The following YTHDC2 variants were observed in gnomAD, a reference collection of about 807,000 sequenced individuals.
The protein encoded by YTHDC2 is 3'-5' RNA helicase YTHDC2.
A neutral mutation model predicts 174.9 loss-of-function variants in YTHDC2; 45 were observed. The ratio of observed to expected loss-of-function variants is 0.26; its 90% CI spans 0.20 to 0.33. The LOEUF is 0.33. YTHDC2 is among the 10% of genes least tolerant of loss of function. The pLI is 1.00. For missense variants in YTHDC2, 1,650 were observed against 1,723.7 expected (o/e 0.96, Z 0.76); for synonymous variants, 657 against 574.5 (o/e 1.14, Z -2.05).
At chr5:113,520,018 A>AT (rs1773754943) in intron 2 of YTHDC2, among the ~76,000 whole-genome samples, 5 of 152,160 alleles carry the variant, frequency 3.3e-5, no homozygotes, top group Admixed American at 3.3e-4. Flanking sequence ...CCCTGCATGC[A>AT]TTAGATATTA....
chr5:113,539,869 A>G (rs1436391195), intron 8 of YTHDC2, among the ~76,000 whole-genome samples: 1 of 151,996 alleles, frequency 6.6e-6, no homozygotes, highest in Non-Finnish European at 1.5e-5. Context: ...TAAGTTGTAA[A>G]ACTCCTAGAT....
At chr5:113,533,344 A>T (rs1301022031) in intron 5 of YTHDC2, among the ~76,000 whole-genome samples, 2 of 152,020 alleles carry the variant, frequency 1.3e-5, no homozygotes, top group Non-Finnish European at 2.9e-5. Flanking sequence ...GGAGTTCGAG[A>T]CCAGCCTGAC....
intron 2 of YTHDC2, among the ~76,000 whole-genome samples, chr5:113,520,410 A>G (rs559932698): frequency 1.3e-5 from 2 of 152,210 alleles, no homozygotes; most frequent in Non-Finnish European, 2.9e-5. Context: ...ATGATCATAG[A>G]TGTAATATGC....
chr5:113,546,367 G>C (rs567831609), intron 10 of YTHDC2, among the ~76,000 whole-genome samples: 97 of 152,276 alleles, frequency 6.4e-4, no homozygotes, highest in African/African-American at 2.3e-3. Context: ...ATTTCCCAGA[G>C]TCCAGTATTC....
chr5:113,544,226 G>A (rs1323201158), intron 10 of YTHDC2, among the ~76,000 whole-genome samples: 1 of 152,114 alleles, frequency 6.6e-6, no homozygotes, highest in African/African-American at 2.4e-5. Context: ...TTGACTCACT[G>A]CAACCTCTGC....
chr5:113,580,123 A>G (rs1050540136), intron 24 of YTHDC2, among the ~76,000 whole-genome samples: 10 of 152,060 alleles, frequency 6.6e-5, no homozygotes, highest in African/African-American at 2.2e-4. Context: ...CCCTCCATCA[A>G]GCTCTTTTAT....
chr5:113,547,867 T>G (rs1775995113), intron 10 of YTHDC2, among the ~76,000 whole-genome samples: 1 of 152,194 alleles, frequency 6.6e-6, no homozygotes, highest in African/African-American at 2.4e-5. Context: ...TTAAATGAAA[T>G]CTTTCTGAAA....
chr5:113,543,379 C>T (rs1775617712), intron 10 of YTHDC2, among the ~76,000 whole-genome samples: 1 of 152,222 alleles, frequency 6.6e-6, no homozygotes, highest in African/African-American at 2.4e-5. Flanking sequence ...TCATATTGCA[C>T]ATATAATTCA....
chr5:113,567,150 T>C lies in YTHDC2; in HGVS notation c.2901T>C (p.Asn967=), dbSNP rs968163341. The C allele has an allele frequency of 1.2e-6, 2 of 1,613,798 alleles. No homozygotes were observed. The highest frequency in any genetic ancestry group is 2.7e-5 in the African/African-American group (2 of 74,878). Residue 967 remains asparagine, a synonymous_variant, in exon 22 of 30, where the codon AAT becomes AAC. Coordinates refer to ENST00000161863, the MANE Select transcript of YTHDC2 (RefSeq NM_022828.5). ...GGGACGTTAACACAAACTCTGAGAA[T>C]TGGGCTGTCGTTAAAGCTGCATTGG... The part of the protein sequence containing the change: ...DIRDVNTNSE[N]WAVVKAALVA...
At chr5:113,548,837 A>G (rs1207965730) in intron 11 of YTHDC2, 118 bp from the exon 12 acceptor site, 1 of 1,162,336 alleles carries the variant, frequency 8.6e-7, no homozygotes, top group African/African-American at 1.6e-5. Context: ...ACTATAATTT[A>G]TCTTATTTTT....
chr5:113,523,707 A>T (rs370461658), intron 2 of YTHDC2, among the ~76,000 whole-genome samples: 2 of 152,132 alleles, frequency 1.3e-5, no homozygotes, highest in Non-Finnish European at 2.9e-5. Flanking sequence ...AAAAACCTTG[A>T]TAAATTGGAA....
intron 18 of YTHDC2, among the ~76,000 whole-genome samples, chr5:113,562,707 TA>T (rs1777075611): frequency 1.3e-5 from 2 of 152,220 alleles, no homozygotes; most frequent in Non-Finnish European, 2.9e-5. Flanking sequence ...ATTCCTTATA[TA>T]GTTACTCCTA....
chr5:113,558,505 G>A (rs549385835), intron 17 of YTHDC2, among the ~76,000 whole-genome samples: 5 of 152,160 alleles, frequency 3.3e-5, no homozygotes, highest in Non-Finnish European at 5.9e-5. Context: ...TGTATGTAGG[G>A]GGTGAGGGGT....
At chr5:113,547,526 A>G (rs544369004) in intron 10 of YTHDC2, among the ~76,000 whole-genome samples, 5 of 152,280 alleles carry the variant, frequency 3.3e-5, no homozygotes, top group Non-Finnish European at 7.4e-5. Flanking sequence ...CAAGTTCATC[A>G]GTTGTAAAAA....
At position 113,563,505 on chromosome 5, in the gene YTHDC2, A is replaced by G. The variant is rs772605734; in HGVS notation, c.2442+13A>G. 22 of 1,572,714 alleles carry G rather than the reference A, an allele frequency of 1.4e-5. No homozygotes were observed. The highest frequency in any genetic ancestry group is 1.4e-4 in the African/African-American group (10 of 73,070). Reference sequence around the variant, plus strand: ...ACAAATGCTTAAGGTTGGTGTCTTCATAGTTTTATTTTACATGACATTTTT... The same window carrying G: ...ACAAATGCTTAAGGTTGGTGTCTTCGTAGTTTTATTTTACATGACATTTTT... On this transcript the variant is annotated intron_variant, in intron 19 of 29. Transcript: ENST00000161863.
intron 10 of YTHDC2, among the ~76,000 whole-genome samples, chr5:113,546,680 A>T (rs1268036013): frequency 6.6e-6 from 1 of 152,172 alleles, no homozygotes; most frequent in Non-Finnish European, 1.5e-5. Flanking sequence ...TATTATCTCC[A>T]TAGTTTCTGA....
rs1775540306 is a variant in YTHDC2 at position 113,542,279 on chromosome 5, T to C, written c.1360-89T>C. 3 of 1,332,292 alleles carry C rather than the reference T, an allele frequency of 2.3e-6. No homozygotes were observed. In the African/African-American group the frequency reaches 4.4e-5, roughly 20 times the overall value. The allele number at this position is 1,332,292 out of a possible 1,614,324, so 82.5% of individuals were successfully genotyped here. On this transcript the variant is annotated intron_variant, in intron 9 of 29. Transcript: ENST00000161863. ...TGCTATATTATCATAGGATTAGTAG[T>C]CCTGATGGCCATTGTGGCCATCTTA...
intron 23 of YTHDC2, among the ~76,000 whole-genome samples, chr5:113,570,954 A>G (rs1402343018): frequency 2.0e-5 from 3 of 152,098 alleles, no homozygotes; most frequent in Non-Finnish European, 4.4e-5. Context: ...CACCCACCCG[A>G]CGTGAATACT....
rs79390625 is a variant in YTHDC2 at position 113,529,907 on chromosome 5, C to T, written c.676-2972C>T. Among the ~76,000 whole-genome samples, 101 of 152,102 alleles carry T rather than the reference C, an allele frequency of 6.6e-4. 1 individual carries two copies. In the East Asian group the frequency reaches 0.012, roughly 18 times the overall value. On this transcript the variant is annotated intron_variant, in intron 4 of 29. Transcript: ENST00000161863. ...CATGTTAAGAGAGGCATTTCCTACC[C>T]TAAGATTAATGGACATTTTCTGTAT...
Sources: gnomAD v4.1 joint callset for allele counts (sites outside exome capture counted in the v4.1 genomes callset) on GRCh38, gnomAD v4.1.1 for gene constraint, MANE v1.5 for transcripts, NCBI Gene and HGNC (gene_info 2026-07-23, HGNC 2026-07-21) for gene names.